The following FIBCD1 variants were observed in gnomAD, a reference collection of about 807,000 sequenced individuals.
The protein encoded by FIBCD1 is fibrinogen C domain containing 1.
FIBCD1 carries 47 observed loss-of-function variants against 45.1 expected under a neutral mutation model. That is an observed-to-expected ratio of 1.04 (90% confidence interval 0.82 to 1.33). The LOEUF is 1.33. FIBCD1 is among the 40% of genes most tolerant of loss of function. The pLI is 0.00. For synonymous variants in FIBCD1, 313 were observed against 308.1 expected, an observed-to-expected ratio of 1.02 and a Z score of -0.17; for missense variants, 653 against 682.2, an observed-to-expected ratio of 0.96 and a Z score of 0.48.
chr9:130,932,287 T>A (rs367986951), intron 1 of FIBCD1, among the ~76,000 whole-genome samples: 17 of 151,978 alleles, frequency 1.1e-4, no homozygotes, highest in Admixed American at 3.9e-4. Context: ...GAGGACGGGG[T>A]GGAGGGGACA....
chr9:130,920,528 A>T (rs1332951793), intron 4 of FIBCD1, among the ~76,000 whole-genome samples: 1 of 152,138 alleles, frequency 6.6e-6, no homozygotes, highest in Non-Finnish European at 1.5e-5. Context: ...GCATTTAGAG[A>T]GTGCCGAGGG....
chr9:130,909,391 A>G (rs1429243295), intron 5 of FIBCD1, among the ~76,000 whole-genome samples: 3 of 152,200 alleles, frequency 2.0e-5, no homozygotes, highest in East Asian at 3.8e-4. Flanking sequence ...CTCGGGGCAC[A>G]CATTCCCCAG....
chr9:130,909,518 T>C (rs1319088390), intron 5 of FIBCD1, among the ~76,000 whole-genome samples: 4 of 152,198 alleles, frequency 2.6e-5, no homozygotes, highest in African/African-American at 9.7e-5. Flanking sequence ...GTTGTAATAT[T>C]CTGAATATAC....
chr9:130,934,270 T>TC (rs1429297652), intron 1 of FIBCD1, among the ~76,000 whole-genome samples: 2 of 151,872 alleles, frequency 1.3e-5, no homozygotes, highest in Non-Finnish European at 2.9e-5. Flanking sequence ...AGAGGGAGGG[T>TC]CCCAGAGACT....
intron 5 of FIBCD1, among the ~76,000 whole-genome samples, chr9:130,905,793 G>A (rs1443486646): frequency 6.6e-6 from 1 of 152,138 alleles, no homozygotes; most frequent in Non-Finnish European, 1.5e-5. Context: ...CCTGGCCTCT[G>A]GGCCTTTGCA....
chr9:130,936,316 TTCTC>T (rs1487159881), intron 1 of FIBCD1: 1 of 152,260 alleles, frequency 6.6e-6, no homozygotes, highest in South Asian at 2.1e-4. Flanking sequence ...GCAAGCAGTG[TTCTC>T]TCTTTCTTCT....
intron 2 of FIBCD1, among the ~76,000 whole-genome samples, chr9:130,928,757 C>G (rs3843564): frequency 6.6e-6 from 1 of 151,944 alleles, no homozygotes; most frequent in African/African-American, 2.4e-5. Flanking sequence ...GGCCAGGGGC[C>G]GGGCAGGGCT....
chr9:130,928,695 G>A (rs1288335063), intron 2 of FIBCD1, among the ~76,000 whole-genome samples: 1 of 152,194 alleles, frequency 6.6e-6, no homozygotes, highest in Non-Finnish European at 1.5e-5. Flanking sequence ...TGGGGGCAGG[G>A]GCTTGGCTCC....
chr9:130,920,335 A>G (rs1832239073), intron 4 of FIBCD1, among the ~76,000 whole-genome samples: 1 of 152,104 alleles, frequency 6.6e-6, no homozygotes, highest in Admixed American at 6.5e-5. Context: ...AGGGCTCAGC[A>G]CTGACTCCCT....
Position 130,926,460 on chromosome 9 carries a change from C to T in FIBCD1, c.553-2064G>A, listed in dbSNP as rs1832361516. Among the ~76,000 whole-genome samples, 2 of 152,240 alleles carry T rather than the reference C, an allele frequency of 1.3e-5. No individual in the cohort carries two copies. The highest frequency in any genetic ancestry group is 1.3e-4 in the Admixed American group (2 of 15,280). ...GTCAGAGCTGCTGTCCCCGGCACTGCTTAGCTGTGTGAGTGAGCTTGCACA... is the reference window on the plus strand; with the variant it reads ...GTCAGAGCTGCTGTCCCCGGCACTGTTTAGCTGTGTGAGTGAGCTTGCACA... On this transcript the variant is annotated intron_variant, in intron 2 of 6. Coordinates refer to ENST00000372338, the MANE Select transcript of FIBCD1 (RefSeq NM_032843.5). The surrounding 1 kb of genome is among the most constrained non-coding windows in gnomAD (Gnocchi z 4.1).
Position 130,904,220 on chromosome 9 carries a change from C to T in FIBCD1, c.1230G>A (p.Trp410Ter), listed in dbSNP as rs1445846288. ...GGTTGGACGTGTGGCAGTTGCGGTACCACCAGGCACCGCGGTAGAAGGCGG... is the reference window on the plus strand; with the variant it reads ...GGTTGGACGTGTGGCAGTTGCGGTATCACCAGGCACCGCGGTAGAAGGCGG... ...NCAAFYRGAW[W>*]YRNCHTSNLN... Residue 410 changes from tryptophan (W) to a stop codon, truncating the protein, a stop_gained, in exon 7 of 7, where the codon TGG becomes TGA. Coordinates refer to ENST00000372338, the MANE Select transcript of FIBCD1 (RefSeq NM_032843.5). LOFTEE classifies it high-confidence loss of function. 1 of 1,613,774 alleles carries T rather than the reference C, an allele frequency of 6.2e-7. No individual in the cohort carries two copies.
intron 5 of FIBCD1, among the ~76,000 whole-genome samples, chr9:130,909,944 G>A (rs569117101): frequency 6.6e-6 from 1 of 152,332 alleles, no homozygotes; most frequent in South Asian, 2.1e-4. Flanking sequence ...GCTGGTGAGA[G>A]GTGACAGCGT....
intron 4 of FIBCD1, among the ~76,000 whole-genome samples, chr9:130,916,646 C>T (rs191335864): frequency 6.6e-5 from 10 of 152,348 alleles, no homozygotes; most frequent in Admixed American, 3.3e-4. Context: ...ACCTTGGTGA[C>T]GCCAGATGCC....
intron 4 of FIBCD1, among the ~76,000 whole-genome samples, chr9:130,913,251 G>GCTTTATTCTC (rs1832096765): frequency 9.7e-6 from 1 of 103,242 alleles, no homozygotes; most frequent in Admixed American, 8.4e-5. Context: ...TGTTTAACAA[G>GCTTTATTCTC]CTTTATTCTC....
intron 5 of FIBCD1, among the ~76,000 whole-genome samples, chr9:130,911,255 A>G (rs1832037289): frequency 6.6e-6 from 1 of 152,190 alleles, no homozygotes. Flanking sequence ...CAGAAGAAAA[A>G]AACTCCAGGC....
At chr9:130,907,898 C>CAAAAAAAAAAAAAAAAAAAAAAAAAA (rs11301443) in intron 5 of FIBCD1, among the ~76,000 whole-genome samples, 1 of 78,712 alleles carries the variant, frequency 1.3e-5, no homozygotes, top group African/African-American at 4.5e-5. Context: ...GACTCTGTCT[C>CAAAAAAAAAAAAAAAAAAAAAAAAAA]AAAAAAAAAA....
chr9:130,911,089 T>G (rs1269705650), intron 5 of FIBCD1, among the ~76,000 whole-genome samples: 1 of 152,148 alleles, frequency 6.6e-6, no homozygotes, highest in Non-Finnish European at 1.5e-5. Flanking sequence ...CCGCTCAGGT[T>G]CCCTCCTGCG....
At position 130,911,774 on chromosome 9, in the gene FIBCD1, G is replaced by A. The variant is rs368873188; in HGVS notation, c.946+18C>T. The A allele has an allele frequency of 1.5e-5, 23 of 1,585,108 alleles. No homozygotes were observed. The highest frequency in any genetic ancestry group is 1.8e-5 in the Non-Finnish European group (21 of 1,166,004). Reference sequence around the variant, plus strand: ...GGGAGGAGGCCCACCTGGGCCGGATGGTGGGTGGGGTGCTCACCTAGCCAG... The same window carrying A: ...GGGAGGAGGCCCACCTGGGCCGGATAGTGGGTGGGGTGCTCACCTAGCCAG... On this transcript the variant is annotated intron_variant, in intron 5 of 6. Transcript: ENST00000372338.
intron 1 of FIBCD1, among the ~76,000 whole-genome samples, chr9:130,934,996 G>A (rs76221388): frequency 0.049 from 7,419 of 152,194 alleles, 259 homozygotes; most frequent in Admixed American, 0.099. Context: ...CAATCGCCCC[G>A]ACCTGTGAGT....
Sources: gnomAD v4.1 joint callset for allele counts (sites outside exome capture counted in the v4.1 genomes callset) on GRCh38, gnomAD v4.1.1 for gene constraint, Gnocchi (gnomAD v3.1) non-coding constraint, MANE v1.5 for transcripts, NCBI Gene and HGNC (gene_info 2026-07-23, HGNC 2026-07-21) for gene names.